NALF1: variants seen among roughly 807,000 people sequenced by gnomAD.
The protein encoded by NALF1 is NALCN channel auxiliary factor 1.
In NALF1, 3 loss-of-function variants were observed where a neutral mutation model predicts 48.4. The ratio of observed to expected loss-of-function variants is 0.06; its 90% confidence interval spans 0.03 to 0.16. NALF1 has a LOEUF of 0.16. Among genes scored for constraint, NALF1 ranks in the 10% least tolerant of loss-of-function variants. The pLI, the probability that NALF1 is intolerant of heterozygous loss-of-function variation, is 1.00. For synonymous variants in NALF1, 262 were observed against 245.7 expected, an observed-to-expected ratio of 1.07 and a Z score of -0.62; for missense variants, 526 against 571.5, an observed-to-expected ratio of 0.92 and a Z score of 0.81.
rs1304383408 is a variant in NALF1 at position 107,588,902 on chromosome 13, T to C, written c.915+276780A>G. Among the ~76,000 whole-genome samples, 8 of 152,026 alleles carry C rather than the reference T, an allele frequency of 5.3e-5. No individual in the cohort carries two copies. In the East Asian group the frequency reaches 1.5e-3, roughly 29 times the overall value. The stretch of plus-strand genomic sequence containing the variant: ...CCACAATTTGTGTCATTTTAAGAAA[T>C]AGTTTAAGCATTTGAAAATGCTGAA... On this transcript the variant is annotated intron_variant, in intron 1 of 2. Transcript: ENST00000375915.
At position 107,165,912 on chromosome 13, in the gene NALF1, AAC is replaced by A. The variant is rs1878647461; in HGVS notation, c.*4583_*4584del. ...GGTTTTTAAATGACCATGCTGCTCT[AAC>A]TTTGACAAACAAGTAGGATCATTCA... On this transcript the variant is annotated 3_prime_UTR_variant, in exon 3 of 3. Coordinates refer to ENST00000375915, the MANE Select transcript of NALF1 (RefSeq NM_001080396.3). 1 of 152,124 alleles carries A rather than the reference AAC, an allele frequency of 6.6e-6. No individual in the cohort carries two copies. The highest frequency in any genetic ancestry group is 1.5e-5 in the Non-Finnish European group (1 of 68,022). 9.4% of individuals were successfully genotyped at this position (152,124 alleles called of 1,614,324 possible). A position where few individuals can be genotyped will look rare whatever the true frequency, so the allele number is the denominator to read the frequency against.
At chr13:107,577,166 C>A (rs1878179362) in intron 1 of NALF1, among the ~76,000 whole-genome samples, 1 of 152,068 alleles carries the variant, frequency 6.6e-6, no homozygotes, top group African/African-American at 2.4e-5. Flanking sequence ...TCGTCCAGTT[C>A]CAGAGGTAGA....
At chr13:107,514,173 G>A (rs1875982333) in intron 1 of NALF1, among the ~76,000 whole-genome samples, 2 of 152,076 alleles carry the variant, frequency 1.3e-5, no homozygotes, top group Non-Finnish European at 2.9e-5. Context: ...TTCATTCTCT[G>A]GTTGTTTCCC....
intron 1 of NALF1, among the ~76,000 whole-genome samples, chr13:107,609,655 A>G (rs1179336977): frequency 2.0e-5 from 3 of 152,236 alleles, no homozygotes; most frequent in Non-Finnish European, 2.9e-5. Flanking sequence ...TAACAGTATT[A>G]TTAGGTTATG....
intron 1 of NALF1, among the ~76,000 whole-genome samples, chr13:107,331,194 C>CT (rs1882461531): frequency 6.6e-6 from 1 of 152,050 alleles, no homozygotes; most frequent in Admixed American, 6.6e-5. Context: ...CTTTATAAAA[C>CT]TTTTTTTAGC....
At chr13:107,582,153 T>C (rs1032976021) in intron 1 of NALF1, among the ~76,000 whole-genome samples, 2 of 152,244 alleles carry the variant, frequency 1.3e-5, no homozygotes, top group African/African-American at 4.8e-5. Context: ...TGTTGACTCA[T>C]GGTGCCTAAA....
chr13:107,818,963 G>C (rs1379489962), intron 1 of NALF1, among the ~76,000 whole-genome samples: 1 of 151,258 alleles, frequency 6.6e-6, no homozygotes, highest in African/African-American at 2.4e-5. Context: ...CTTGCAGTGT[G>C]AGAATGCTGA....
intron 1 of NALF1, among the ~76,000 whole-genome samples, chr13:107,706,062 A>G (rs534561487): frequency 6.6e-6 from 1 of 152,334 alleles, no homozygotes; most frequent in African/African-American, 2.4e-5. Flanking sequence ...AGTATCGCCA[A>G]TGACTATAAC....
intron 1 of NALF1, among the ~76,000 whole-genome samples, chr13:107,359,100 C>A (rs1367174429): frequency 6.6e-6 from 1 of 152,112 alleles, no homozygotes; most frequent in African/African-American, 2.4e-5. Context: ...TGAACATTCC[C>A]CTCCCTGAAA....
intron 1 of NALF1, among the ~76,000 whole-genome samples, chr13:107,646,189 C>G (rs577035706): frequency 3.2e-4 from 48 of 151,930 alleles, no homozygotes; most frequent in African/African-American, 1.1e-3. Context: ...CAAGCTATTC[C>G]TTTATAACTA....
chr13:107,209,432 C>T (rs9587321), intron 2 of NALF1, among the ~76,000 whole-genome samples: 1 of 150,538 alleles, frequency 6.6e-6, no homozygotes, highest in Non-Finnish European at 1.5e-5. Context: ...ACTTGAACCC[C>T]GGAGGCGGAG....
At chr13:107,373,548 C>T (rs922190420) in intron 1 of NALF1, among the ~76,000 whole-genome samples, 1 of 152,064 alleles carries the variant, frequency 6.6e-6, no homozygotes, top group African/African-American at 2.4e-5. Context: ...CCAAAAGGGG[C>T]CACAGCCAAT....
chr13:107,561,416 C>T (rs965201471), intron 1 of NALF1, among the ~76,000 whole-genome samples: 2 of 151,998 alleles, frequency 1.3e-5, no homozygotes, highest in Admixed American at 6.6e-5. Context: ...CTTATGTTAC[C>T]TTGTGATTAA....
chr13:107,407,114 T>C (rs1883912829), intron 1 of NALF1, among the ~76,000 whole-genome samples: 1 of 151,900 alleles, frequency 6.6e-6, no homozygotes, highest in East Asian at 1.9e-4. Flanking sequence ...TAAAAAATCA[T>C]ATAAAAATGG....
intron 1 of NALF1, among the ~76,000 whole-genome samples, chr13:107,507,647 G>C (rs61965917): frequency 6.8e-6 from 1 of 146,308 alleles, no homozygotes; most frequent in East Asian, 2.0e-4. Context: ...CAAGACAGTA[G>C]GGATTGCAGA....
chr13:107,768,647 G>A (rs890009856), intron 1 of NALF1, among the ~76,000 whole-genome samples: 6 of 151,946 alleles, frequency 3.9e-5, no homozygotes, highest in East Asian at 1.9e-4. Context: ...AACCTTTTTC[G>A]CAAGTAAGGG....
intron 2 of NALF1, among the ~76,000 whole-genome samples, chr13:107,174,142 G>C (rs143462364): frequency 6.6e-6 from 1 of 151,982 alleles, no homozygotes; most frequent in East Asian, 1.9e-4. Context: ...TTCCCTCCCT[G>C]AATAAATTCC....
intron 1 of NALF1, among the ~76,000 whole-genome samples, chr13:107,838,133 C>G (rs960468873): frequency 6.6e-6 from 1 of 152,146 alleles, no homozygotes; most frequent in Non-Finnish European, 1.5e-5. Flanking sequence ...GCCATGGACC[C>G]TTTCCACATC....
At chr13:107,451,848 G>A (rs945623782) in intron 1 of NALF1, among the ~76,000 whole-genome samples, 13 of 152,078 alleles carry the variant, frequency 8.5e-5, no homozygotes, top group Non-Finnish European at 1.8e-4. Flanking sequence ...CGATAATAAC[G>A]TTACTGGCCA....
Sources: gnomAD v4.1 joint callset for allele counts (sites outside exome capture counted in the v4.1 genomes callset) on GRCh38, gnomAD v4.1.1 for gene constraint, MANE v1.5 for transcripts, NCBI Gene and HGNC (gene_info 2026-07-23, HGNC 2026-07-21) for gene names.